The following ASIC2 variants were observed in gnomAD, a reference collection of about 807,000 sequenced individuals.
The protein encoded by ASIC2 is acid-sensing ion channel 2.
In ASIC2, 25 loss-of-function variants were observed where a neutral mutation model predicts 57.3. That is an observed-to-expected ratio of 0.44 (90% confidence interval 0.32 to 0.61). The LOEUF (loss-of-function observed/expected upper bound fraction) is 0.61. ASIC2 is among the 20% of genes least tolerant of loss of function. The probability of loss-of-function intolerance (pLI) is 0.06; values close to 1 mark genes in which losing one functional copy is unlikely to be tolerated. For synonymous variants in ASIC2, 319 were observed against 307.5 expected, an observed-to-expected ratio of 1.04 and a Z score of -0.39; for missense variants, 641 against 738.1, an observed-to-expected ratio of 0.87 and a Z score of 1.52.
At chr17:33,859,495 T>C (rs1217435761) in intron 1 of ASIC2, among the ~76,000 whole-genome samples, 1 of 152,216 alleles carries the variant, frequency 6.6e-6, no homozygotes, top group African/African-American at 2.4e-5. Context: ...ATTAAGCAGC[T>C]TGTCCAGTAT....
chr17:33,732,625 A>AT (rs1268853546), intron 1 of ASIC2, among the ~76,000 whole-genome samples: 2 of 150,378 alleles, frequency 1.3e-5, no homozygotes, highest in Admixed American at 6.6e-5. Flanking sequence ...AGCCTCCTGA[A>AT]TTTTTTTTAT....
intron 1 of ASIC2, among the ~76,000 whole-genome samples, chr17:33,522,820 CAG>C (rs1342404996): frequency 6.6e-6 from 1 of 152,234 alleles, no homozygotes; most frequent in East Asian, 1.9e-4. Context: ...AGTGCAGACA[CAG>C]ACACTGAAGC....
intron 1 of ASIC2, among the ~76,000 whole-genome samples, chr17:34,025,008 C>A (rs757195395): frequency 6.6e-6 from 1 of 152,176 alleles, no homozygotes; most frequent in African/African-American, 2.4e-5. Context: ...CAACATGGGG[C>A]CTCTTGGAGG....
chr17:33,656,912 A>G (rs1294157268), intron 1 of ASIC2, among the ~76,000 whole-genome samples: 3 of 152,218 alleles, frequency 2.0e-5, no homozygotes, highest in African/African-American at 7.2e-5. Flanking sequence ...GGGAAAGAGA[A>G]TTGTTCAGAT....
At chr17:34,041,443 G>C (rs1364278218) in intron 1 of ASIC2, 1 of 152,172 alleles carries the variant, frequency 6.6e-6, no homozygotes, top group Non-Finnish European at 1.5e-5. Context: ...ATCAAAGGGA[G>C]ACAAGGTCGT....
chr17:34,107,506 C>T (rs1911104646), intron 1 of ASIC2, among the ~76,000 whole-genome samples: 1 of 152,094 alleles, frequency 6.6e-6, no homozygotes, highest in African/African-American at 2.4e-5. Flanking sequence ...AAGATCCTGT[C>T]TCAAACAGAA....
intron 1 of ASIC2, among the ~76,000 whole-genome samples, chr17:33,658,771 G>A (rs774783313): frequency 4.6e-5 from 7 of 152,132 alleles, no homozygotes; most frequent in Non-Finnish European, 7.4e-5. Context: ...TGAGGTGGAC[G>A]GATCTTTTGA....
chr17:33,774,526 A>G (rs1911206962), intron 1 of ASIC2, among the ~76,000 whole-genome samples: 1 of 152,198 alleles, frequency 6.6e-6, no homozygotes, highest in Admixed American at 6.5e-5. Context: ...TGCCATCTCT[A>G]TTTTTAAGCA....
chr17:33,886,451 A>G (rs1914831345), intron 1 of ASIC2, among the ~76,000 whole-genome samples: 1 of 152,158 alleles, frequency 6.6e-6, no homozygotes, highest in Non-Finnish European at 1.5e-5. Context: ...AGTTACTGAG[A>G]AGGCTGTGAT....
chr17:33,109,916 G>C (rs115590718), intron 2 of ASIC2, among the ~76,000 whole-genome samples: 2,274 of 152,300 alleles, frequency 0.015, 69 homozygotes, highest in African/African-American at 0.052. Flanking sequence ...GTGGCTTTGA[G>C]GCAGAACACA....
chr17:33,422,978 C>T (rs113252417), intron 1 of ASIC2, among the ~76,000 whole-genome samples: 106 of 152,230 alleles, frequency 7.0e-4, no homozygotes, highest in African/African-American at 2.5e-3. Context: ...ATTAGAGTGC[C>T]GCACAGCCCT....
chr17:34,034,844 T>G (rs1848395104), intron 1 of ASIC2, among the ~76,000 whole-genome samples: 1 of 152,120 alleles, frequency 6.6e-6, no homozygotes, highest in Admixed American at 6.5e-5. Context: ...TACAAACCAC[T>G]GCTCAATGAA....
chr17:33,942,088 A>G (rs1056037873), intron 1 of ASIC2, among the ~76,000 whole-genome samples: 2 of 152,294 alleles, frequency 1.3e-5, no homozygotes, highest in Middle Eastern at 3.4e-3. Flanking sequence ...GGAAGAGACA[A>G]CAGCTGGACC....
At chr17:33,451,620 G>A (rs1366940394) in intron 1 of ASIC2, among the ~76,000 whole-genome samples, 4 of 152,072 alleles carry the variant, frequency 2.6e-5, no homozygotes, top group African/African-American at 9.7e-5. Context: ...AACCATTGCA[G>A]TTGCCTTCTC....
At chr17:33,523,894 T>C (rs1013964214) in intron 1 of ASIC2, among the ~76,000 whole-genome samples, 1 of 152,218 alleles carries the variant, frequency 6.6e-6, no homozygotes, top group Non-Finnish European at 1.5e-5. Flanking sequence ...ATGTAAGTGC[T>C]GTCTCCATGC....
At chr17:33,418,375 A>G (rs949612357) in intron 1 of ASIC2, among the ~76,000 whole-genome samples, 1 of 152,198 alleles carries the variant, frequency 6.6e-6, no homozygotes, top group African/African-American at 2.4e-5. Flanking sequence ...GTTAAAAAAA[A>G]AATCCCATTT....
intron 1 of ASIC2, among the ~76,000 whole-genome samples, chr17:33,232,758 A>G (rs1428450073): frequency 1.3e-5 from 2 of 152,132 alleles, no homozygotes; most frequent in Non-Finnish European, 2.9e-5. Context: ...ATTCAAATAA[A>G]CCCATTAATA....
At chr17:33,182,948 G>A (rs1299271695) in intron 1 of ASIC2, among the ~76,000 whole-genome samples, 1 of 152,160 alleles carries the variant, frequency 6.6e-6, no homozygotes, top group Non-Finnish European at 1.5e-5. Flanking sequence ...GGATTCATGA[G>A]TGCACTGGTG....
chr17:34,144,846 G>A (rs995353382), intron 1 of ASIC2, among the ~76,000 whole-genome samples: 2 of 152,100 alleles, frequency 1.3e-5, no homozygotes, highest in African/African-American at 4.8e-5. Flanking sequence ...TCCCTTTGTT[G>A]TCTGTTATCA....
Sources: gnomAD v4.1 joint callset for allele counts (sites outside exome capture counted in the v4.1 genomes callset) on GRCh38, gnomAD v4.1.1 for gene constraint, MANE v1.5 for transcripts, NCBI Gene and HGNC (gene_info 2026-07-23, HGNC 2026-07-21) for gene names.